The following MAGI1 variants were observed in gnomAD, a reference collection of about 807,000 sequenced individuals.
The protein encoded by MAGI1 is membrane-associated guanylate kinase, WW and PDZ domain-containing protein 1.
Under a neutral mutation model 139.9 loss-of-function variants are expected in MAGI1, and 58 were observed. The observed-to-expected ratio is 0.41, with a 90% confidence interval of 0.34 to 0.52. The LOEUF (loss-of-function observed/expected upper bound fraction) is 0.52, where lower values mean the gene tolerates loss of function less well. Among genes scored for constraint, MAGI1 ranks in the 20% least tolerant of loss-of-function variants. The probability of loss-of-function intolerance (pLI) is 0.12; values close to 1 mark genes in which losing one functional copy is unlikely to be tolerated. For missense variants in MAGI1, 1,874 were observed against 1,901.6 expected (o/e 0.99, Z 0.27); for synonymous variants, 812 against 737.9 (o/e 1.10, Z -1.63).
intron 16 of MAGI1, 150 bp from the exon 17 acceptor site, chr3:65,379,704 G>T: frequency 7.6e-7 from 1 of 1,323,794 alleles, no homozygotes; most frequent in Non-Finnish European, 1.0e-6. Context: ...TGGATATACG[G>T]ATTGAAAGCA....
At position 65,401,445 on chromosome 3, in the gene MAGI1, T is replaced by C. The variant is rs1575617769; in HGVS notation, c.2193A>G (p.Pro731=). The change falls in exon 13 of 23, where the codon CCA becomes CCG. Residue 731 remains proline, a synonymous_variant. Transcript: ENST00000402939. ...GTAACTGACAAGTCCTTACCGACTT[T>C]GGGCTCTTCTTGGGAACTGGCAGCC... The part of the protein sequence containing the change: ...RGGLPVPKKS[P]KSQPLERKDS... 2.5e-6 allele frequency: 4 copies of C among 1,611,960 alleles called. No homozygotes were observed. Among genetic ancestry groups the C allele is most frequent in the East Asian group, 2.2e-5 (1 of 44,828 alleles).
intron 1 of MAGI1, among the ~76,000 whole-genome samples, chr3:65,666,921 C>A (rs558963260): frequency 6.6e-6 from 1 of 152,282 alleles, no homozygotes; most frequent in East Asian, 1.9e-4. Flanking sequence ...CGCTTCAATA[C>A]CCTTTCCTCC....
chr3:65,478,677 G>A lies in MAGI1; in HGVS notation c.672C>T (p.Ser224=), dbSNP rs1559592260. 6.2e-7 allele frequency: 1 copy of A among 1,614,040 alleles called. No individual in the cohort carries two copies. Among genetic ancestry groups the A allele is most frequent in the Non-Finnish European group, 8.5e-7 (1 of 1,179,976 alleles). Reference sequence around the variant, plus strand: ...TGCCAGCATTTTGCATATCATTGTAGGACTTGGTTCGCTTCGGGGTCGACT... The same window carrying A: ...TGCCAGCATTTTGCATATCATTGTAAGACTTGGTTCGCTTCGGGGTCGACT... ...SKQSTPKRTK[S]YNDMQNAGIV... The change falls in exon 4 of 23, where the codon TCC becomes TCT. Residue 224 remains serine (S), a synonymous_variant. Transcript: ENST00000402939.
chr3:65,910,466 C>T (rs2108667208), intron 1 of MAGI1, among the ~76,000 whole-genome samples: 1 of 152,186 alleles, frequency 6.6e-6, no homozygotes, highest in South Asian at 2.1e-4. Flanking sequence ...GAAAAACAAC[C>T]AATAAAGTAC....
At chr3:65,411,276 C>G (rs1358637264) in intron 12 of MAGI1, among the ~76,000 whole-genome samples, 1 of 152,140 alleles carries the variant, frequency 6.6e-6, no homozygotes, top group Non-Finnish European at 1.5e-5. Flanking sequence ...AGGAAGACTC[C>G]TTAACTACCA....
chr3:65,754,257 C>A (rs900515419), intron 1 of MAGI1, among the ~76,000 whole-genome samples: 1 of 152,130 alleles, frequency 6.6e-6, no homozygotes, highest in Non-Finnish European at 1.5e-5. Flanking sequence ...ATGCCACGAT[C>A]TGATGTAAAA....
At chr3:65,939,752 A>G (rs551772613) in intron 1 of MAGI1, among the ~76,000 whole-genome samples, 1 of 152,324 alleles carries the variant, frequency 6.6e-6, no homozygotes, top group South Asian at 2.1e-4. Flanking sequence ...GGACATTAGT[A>G]GTCATGGTAT....
At chr3:65,680,153 T>C (rs897462811) in intron 1 of MAGI1, among the ~76,000 whole-genome samples, 4 of 152,184 alleles carry the variant, frequency 2.6e-5, no homozygotes, top group Non-Finnish European at 2.9e-5. Context: ...ACATTTTCTA[T>C]TCTTCCATGA....
chr3:65,472,347 A>T (rs1203981524), intron 4 of MAGI1, among the ~76,000 whole-genome samples: 1 of 152,164 alleles, frequency 6.6e-6, no homozygotes, highest in Non-Finnish European at 1.5e-5. Flanking sequence ...GTTAAAATGC[A>T]TATTTCTGGC....
chr3:65,615,537 G>C (rs1414382039), intron 2 of MAGI1, among the ~76,000 whole-genome samples: 75 of 152,150 alleles, frequency 4.9e-4, no homozygotes, highest in Non-Finnish European at 3.5e-4. Context: ...GTGGTTTTCT[G>C]CTGAGTTGTC....
At chr3:65,954,601 G>C (rs971106671) in intron 1 of MAGI1, 1 of 152,574 alleles carries the variant, frequency 6.6e-6, no homozygotes, top group African/African-American at 2.4e-5. Flanking sequence ...GAGAGAAGGA[G>C]GAGGGGCGGG....
intron 3 of MAGI1, among the ~76,000 whole-genome samples, chr3:65,482,035 A>C (rs1301387789): frequency 2.6e-5 from 4 of 152,192 alleles, no homozygotes; most frequent in Non-Finnish European, 5.9e-5. Flanking sequence ...GAAGATATAA[A>C]CTGTCAAACA....
At chr3:65,535,398 T>C (rs959188425) in intron 2 of MAGI1, among the ~76,000 whole-genome samples, 1 of 152,136 alleles carries the variant, frequency 6.6e-6, no homozygotes, top group Non-Finnish European at 1.5e-5. Flanking sequence ...AAATAAGCTG[T>C]TGACTCCAGT....
At chr3:65,458,495 T>C (rs566478864) in intron 5 of MAGI1, among the ~76,000 whole-genome samples, 1 of 152,132 alleles carries the variant, frequency 6.6e-6, no homozygotes, top group Non-Finnish European at 1.5e-5. Flanking sequence ...GTCTTTTGGA[T>C]AAAACCCATT....
intron 1 of MAGI1, among the ~76,000 whole-genome samples, chr3:65,661,181 C>T (rs1295562330): frequency 6.6e-6 from 1 of 152,000 alleles, no homozygotes; most frequent in African/African-American, 2.4e-5. Flanking sequence ...AGTATATGTC[C>T]CCTGGGGGTA....
intron 9 of MAGI1, among the ~76,000 whole-genome samples, chr3:65,437,848 C>A (rs949406661): frequency 2.0e-5 from 3 of 152,168 alleles, no homozygotes; most frequent in Admixed American, 6.5e-5. Context: ...TTGCAAACTG[C>A]ACTTTCTAAC....
intron 2 of MAGI1, among the ~76,000 whole-genome samples, chr3:65,524,920 A>G (rs968022643): frequency 3.3e-5 from 5 of 152,162 alleles, no homozygotes; most frequent in African/African-American, 1.2e-4. Flanking sequence ...TGATCTGCAA[A>G]TGGTACCCTT....
chr3:65,997,319 T>C (rs2066500418), intron 1 of MAGI1, among the ~76,000 whole-genome samples: 2 of 152,114 alleles, frequency 1.3e-5, no homozygotes, highest in African/African-American at 4.8e-5. Context: ...ATGATTGCAA[T>C]GTCATGCTAC....
At chr3:65,467,524 C>T (rs547363286) in intron 5 of MAGI1, among the ~76,000 whole-genome samples, 5 of 152,222 alleles carry the variant, frequency 3.3e-5, no homozygotes, top group African/African-American at 1.2e-4. Flanking sequence ...TTATCATTAG[C>T]CACATTTTTG....
Sources: gnomAD v4.1 joint callset for allele counts (sites outside exome capture counted in the v4.1 genomes callset) on GRCh38, gnomAD v4.1.1 for gene constraint, MANE v1.5 for transcripts, NCBI Gene and HGNC (gene_info 2026-07-23, HGNC 2026-07-21) for gene names.